FBXW12: variants seen among roughly 807,000 people sequenced by gnomAD.
FBXW12 encodes F-box/WD repeat-containing protein 12.
Under a neutral mutation model 55.3 loss-of-function variants are expected in FBXW12, and 43 were observed. The observed-to-expected ratio is 0.78, with a 90% CI of 0.61 to 1.00. The LOEUF is 1.00. Ranked by LOEUF, FBXW12 falls within the 50% of genes least tolerant of loss-of-function variation. FBXW12 has a pLI of 0.00. For missense variants in FBXW12, 524 were observed against 560.5 expected (o/e 0.93, Z 0.66); for synonymous variants, 184 against 203.8 (o/e 0.90, Z 0.83).
chr3:48,391,367 A>AT (rs2036926831), intron 10 of FBXW12, among the ~76,000 whole-genome samples: 5 of 142,380 alleles, frequency 3.5e-5, no homozygotes, highest in Admixed American at 1.4e-4. Context: ...TATATATATA[A>AT]AATCAATCAT....
At chr3:48,372,635 A>G in intron 1 of FBXW12, 49 bp from the exon 2 acceptor site, 4 of 1,572,450 alleles carry the variant, frequency 2.5e-6, no homozygotes, top group Non-Finnish European at 3.5e-6. Context: ...GCACACCTGC[A>G]GCTTGTTTCT....
intron 10 of FBXW12, among the ~76,000 whole-genome samples, chr3:48,389,548 G>A (rs1474465883): frequency 1.3e-5 from 2 of 151,990 alleles, no homozygotes; most frequent in African/African-American, 4.8e-5. Flanking sequence ...CTAGCTAATT[G>A]TATTTTTAGT....
intron 10 of FBXW12, among the ~76,000 whole-genome samples, chr3:48,392,170 C>T (rs986288225): frequency 1.3e-5 from 2 of 152,004 alleles, no homozygotes; most frequent in African/African-American, 4.8e-5. Flanking sequence ...ACACAAGAAC[C>T]GGCCAGGCAT....
chr3:48,382,529 C>G (rs566781002), intron 10 of FBXW12, among the ~76,000 whole-genome samples: 2 of 151,838 alleles, frequency 1.3e-5, no homozygotes, highest in African/African-American at 4.8e-5. Context: ...ATCGCTAGTT[C>G]TTGAAGTCAT....
In FBXW12 at chr3:48,375,980, T is replaced by C. The variant is rs796422200; in HGVS notation, c.405+508T>C. ...GTGAGCCACTGCGCCCGGCCTTTTT[T>C]TTTTTTTTTTTTTTTTTTTTTGAGA... On this transcript the variant is annotated intron_variant, in intron 5 of 10. Coordinates refer to ENST00000296438, the MANE Select transcript of FBXW12 (RefSeq NM_207102.2). Among the ~76,000 whole-genome samples the C allele has an allele frequency of 2.5e-3, 314 of 125,038 alleles. 1 individual carries two copies. Among genetic ancestry groups the C allele is most frequent in the African/African-American group, 8.9e-3 (290 of 32,668 alleles). The allele number at this position is 125,038 out of a possible 152,430, so 82.0% of individuals were successfully genotyped here.
rs2036634365 is a variant in FBXW12 at position 48,373,561 on chromosome 3, C to T, written c.142C>T (p.Gln48Ter). 1.9e-6 allele frequency: 3 copies of T among 1,613,828 alleles called. No homozygotes were observed. The highest frequency in any genetic ancestry group is 2.5e-6 in the Non-Finnish European group (3 of 1,179,908). ...CTCTGTTTCCAGGTCACTATCTCTG[C>T]AGAGATGGGACTGCAGCAACTTCAC... ...SDYLWRSLSL[Q>*]RWDCSNFTNQ... The change falls in exon 4 of 11, where the codon CAG (glutamine) becomes TAG (stop). Residue 48 changes from glutamine (Q) to a stop codon, truncating the protein, a stop_gained. Coordinates refer to ENST00000296438, the MANE Select transcript of FBXW12 (RefSeq NM_207102.2). LOFTEE classifies it high-confidence loss of function.
chr3:48,388,880 A>C (rs1485367747), intron 10 of FBXW12, among the ~76,000 whole-genome samples: 2 of 152,198 alleles, frequency 1.3e-5, no homozygotes, highest in African/African-American at 4.8e-5. Context: ...AAAACATTTA[A>C]AATTTCTTTG....
In FBXW12 at chr3:48,372,816, C is replaced by T. The variant is rs1560028928; in HGVS notation, c.49C>T (p.Leu17=). The stretch of plus-strand genomic sequence containing the variant: ...AGCTTTGAAGCGAATCTTCTCTTTC[C>T]TGGACCTGTTCGGCTTGCTGCAGGT... The part of the protein sequence containing the change: ...DLALKRIFSF[L]DLFGLLQVSQ... The change falls in exon 2 of 11, where the codon CTG becomes TTG. Residue 17 remains leucine, a synonymous_variant. Coordinates refer to ENST00000296438, the MANE Select transcript of FBXW12 (RefSeq NM_207102.2). The T allele has an allele frequency of 6.2e-7, 1 of 1,614,170 alleles. No homozygotes were observed. The highest frequency in any genetic ancestry group is 2.2e-5 in the East Asian group (1 of 44,888).
intron 1 of FBXW12, 87 bp from the exon 2 acceptor site, chr3:48,372,597 G>A: frequency 6.8e-7 from 1 of 1,462,230 alleles, no homozygotes. Context: ...CAGGGGAGAG[G>A]CCGGGGTGGA....
At chr3:48,374,811 C>T (rs1028903675) in intron 4 of FBXW12, among the ~76,000 whole-genome samples, 4 of 145,442 alleles carry the variant, frequency 2.8e-5, no homozygotes, top group Admixed American at 6.9e-5. Context: ...ATTTTGTCTC[C>T]GAGGCTGGAG....
At chr3:48,374,655 T>C (rs1206033874) in intron 4 of FBXW12, among the ~76,000 whole-genome samples, 1 of 151,888 alleles carries the variant, frequency 6.6e-6, no homozygotes, top group Non-Finnish European at 1.5e-5. Flanking sequence ...TTGTAGAGAT[T>C]AGGTCTCACT....
At chr3:48,387,661 C>A (rs1194446031) in intron 10 of FBXW12, among the ~76,000 whole-genome samples, 1 of 152,150 alleles carries the variant, frequency 6.6e-6, no homozygotes, top group Non-Finnish European at 1.5e-5. Flanking sequence ...GATCCTCCCA[C>A]CTCAGCCTCC....
At chr3:48,387,349 T>G (rs1177005212) in intron 10 of FBXW12, among the ~76,000 whole-genome samples, 1 of 152,102 alleles carries the variant, frequency 6.6e-6, no homozygotes, top group Non-Finnish European at 1.5e-5. Context: ...CTGTGTTTTT[T>G]TGTTTTGGTT....
chr3:48,379,737 A>G, intron 7 of FBXW12, 179 bp downstream of exon 7: 1 of 579,342 alleles, frequency 1.7e-6, no homozygotes, highest in Non-Finnish European at 3.0e-6. Flanking sequence ...AACAACATCC[A>G]GTTGCTGTGG....
rs145909967 is a variant in FBXW12, at chr3:48,372,778, G to A, written c.11G>A (p.Arg4Gln). MEIRLPDLALKRIF... is the reference protein window; with the variant it reads MEIQLPDLALKRIF... The stretch of plus-strand genomic sequence containing the variant: ...TTCAGGCCGCATGAAATGGAGATCC[G>A]ATTGCCTGACTTAGCTTTGAAGCGA... The change falls in exon 2 of 11, where the codon CGA (arginine) becomes CAA (glutamine). Residue 4 changes from arginine to glutamine, a missense_variant. By Grantham distance (43) the Arg-to-Gln change is conservative. Coordinates refer to ENST00000296438, the MANE Select transcript of FBXW12 (RefSeq NM_207102.2). 30 of 1,614,208 alleles carry A rather than the reference G, an allele frequency of 1.9e-5. No homozygotes were observed. Among genetic ancestry groups the A allele is most frequent in the South Asian group, 7.7e-5 (7 of 91,088 alleles).
chr3:48,372,587 CA>C (rs1166034855), intron 1 of FBXW12, 96 bp from the exon 2 acceptor site: 46 of 1,429,038 alleles, frequency 3.2e-5, no homozygotes, highest in Middle Eastern at 2.3e-4. Flanking sequence ...GATCAGGCCC[CA>C]GGGGAGAGGC....
At chr3:48,377,073 T>C (rs138425149) in intron 5 of FBXW12, among the ~76,000 whole-genome samples, 1 of 152,220 alleles carries the variant, frequency 6.6e-6, no homozygotes, top group Non-Finnish European at 1.5e-5. Context: ...GATTCTGCAA[T>C]GATACTACAA....
At chr3:48,377,019 A>T (rs892113598) in intron 5 of FBXW12, among the ~76,000 whole-genome samples, 5 of 152,232 alleles carry the variant, frequency 3.3e-5, no homozygotes, top group African/African-American at 1.2e-4. Context: ...AATTGAATCT[A>T]AAGAGCTTCA....
chr3:48,373,154 T>C (rs1393551614), intron 2 of FBXW12, among the ~76,000 whole-genome samples, 154 bp from the exon 3 acceptor site: 1 of 152,206 alleles, frequency 6.6e-6, no homozygotes, highest in Non-Finnish European at 1.5e-5. Context: ...TGTTACCATT[T>C]CCTTATCTCC....
Sources: allele counts gnomAD v4.1 joint callset (sites outside exome capture counted in the v4.1 genomes callset), GRCh38; gene constraint gnomAD v4.1.1; transcripts MANE v1.5; gene names NCBI Gene and HGNC (gene_info 2026-07-23, HGNC 2026-07-21).